RORA: variants seen among roughly 807,000 people sequenced by gnomAD.
RORA encodes the protein nuclear receptor ROR-alpha.
RORA carries 7 observed loss-of-function variants against 69.5 expected under a neutral mutation model. That is an observed-to-expected ratio of 0.10 (90% confidence interval 0.06 to 0.19). The LOEUF is 0.19. Ranked by LOEUF, RORA falls within the 10% of genes least tolerant of loss-of-function variation. RORA has a pLI of 1.00. For synonymous variants in RORA, 261 were observed against 240.8 expected, an observed-to-expected ratio of 1.08 and a Z score of -0.78; for missense variants, 457 against 663.0, an observed-to-expected ratio of 0.69 and a Z score of 3.41.
intron 1 of RORA, among the ~76,000 whole-genome samples, chr15:60,807,104 T>C (rs1401032464): frequency 6.6e-6 from 1 of 152,024 alleles, no homozygotes; most frequent in Non-Finnish European, 1.5e-5. Context: ...TCCAAATCGG[T>C]AAAGAGGAAG....
intron 1 of RORA, among the ~76,000 whole-genome samples, chr15:61,044,614 T>C (rs989846585): frequency 1.3e-5 from 2 of 152,388 alleles, no homozygotes; most frequent in East Asian, 3.9e-4. Context: ...TTCCACCTTT[T>C]TCTTTTCAAT....
rs200699416 is a variant in RORA, at chr15:61,228,643, A to AT, written c.166+409dup. Among the ~76,000 whole-genome samples, 1,305 of 151,212 alleles carry AT rather than the reference A, an allele frequency of 8.6e-3. 17 individuals are homozygous for AT. The highest frequency in any genetic ancestry group is 0.029 in the African/African-American group (1,187 of 41,166). ...GCGGAAGGAGGGTGGCCATAAACAG[A>AT]TTTTTTTGCCCCTTCTTAAAAGGAC... On this transcript the variant is annotated intron_variant, in intron 1 of 10. Coordinates refer to ENST00000335670, the MANE Select transcript of RORA (RefSeq NM_134261.3).
At chr15:60,848,679 G>C (rs553752020) in intron 1 of RORA, 2 of 153,996 alleles carry the variant, frequency 1.3e-5, no homozygotes, top group African/African-American at 4.8e-5. Context: ...GGAAACTTAC[G>C]ATCATGGCAA....
At chr15:60,868,082 A>C (rs2073509968) in intron 1 of RORA, among the ~76,000 whole-genome samples, 2 of 152,216 alleles carry the variant, frequency 1.3e-5, no homozygotes, top group African/African-American at 4.8e-5. Context: ...TAAATATACA[A>C]ATAACACCCA....
chr15:61,077,742 C>A (rs983124388), intron 1 of RORA, among the ~76,000 whole-genome samples: 3 of 152,120 alleles, frequency 2.0e-5, no homozygotes, highest in Non-Finnish European at 4.4e-5. Flanking sequence ...AAAACTAATG[C>A]CCATAATTCT....
intron 2 of RORA, among the ~76,000 whole-genome samples, chr15:60,585,204 C>G (rs923883904): frequency 6.6e-6 from 1 of 152,252 alleles, no homozygotes; most frequent in South Asian, 2.1e-4. Context: ...TCCTCAGATT[C>G]CGACACAGAA....
chr15:60,891,230 G>A (rs1021362230), intron 1 of RORA, among the ~76,000 whole-genome samples: 2 of 152,332 alleles, frequency 1.3e-5, no homozygotes, highest in East Asian at 3.9e-4. Context: ...CTATCATTAT[G>A]TAATATTTCC....
At chr15:60,846,394 G>A (rs188658770) in intron 1 of RORA, among the ~76,000 whole-genome samples, 9 of 152,250 alleles carry the variant, frequency 5.9e-5, no homozygotes, top group Admixed American at 1.3e-4. Flanking sequence ...TTTCTCTATC[G>A]TAACTGCTTC....
At chr15:61,199,260 G>T (rs1387140664) in intron 1 of RORA, among the ~76,000 whole-genome samples, 9 of 148,760 alleles carry the variant, frequency 6.1e-5, no homozygotes, top group Admixed American at 5.9e-4. Context: ...AGGAAAGAAA[G>T]GGAAAAAAAA....
chr15:60,878,161 C>G (rs1420616508), intron 1 of RORA, among the ~76,000 whole-genome samples: 19 of 70,662 alleles, frequency 2.7e-4, no homozygotes, highest in Admixed American at 7.1e-4. Context: ...CCTGCTTCTA[C>G]TAAAAATACA....
At chr15:60,940,845 T>C (rs1892672657) in intron 1 of RORA, among the ~76,000 whole-genome samples, 1 of 152,150 alleles carries the variant, frequency 6.6e-6, no homozygotes, top group Non-Finnish European at 1.5e-5. Context: ...GGGAATTGTT[T>C]GAACTCGGGA....
intron 2 of RORA, among the ~76,000 whole-genome samples, chr15:60,626,494 A>C (rs2069585998): frequency 6.6e-6 from 1 of 152,182 alleles, no homozygotes. Context: ...TTCTCATGGA[A>C]TTTAATAAGA....
At chr15:60,846,898 G>T (rs144793251) in intron 1 of RORA, among the ~76,000 whole-genome samples, 5 of 152,082 alleles carry the variant, frequency 3.3e-5, no homozygotes, top group African/African-American at 1.2e-4. Context: ...GTTTAATTCA[G>T]ATCTTTATTT....
intron 1 of RORA, among the ~76,000 whole-genome samples, chr15:60,703,718 G>T (rs1317829059): frequency 3.9e-5 from 6 of 152,150 alleles, no homozygotes; most frequent in Admixed American, 3.9e-4. Flanking sequence ...CCTTTCTGAT[G>T]ATATGAATGG....
intron 1 of RORA, among the ~76,000 whole-genome samples, chr15:60,696,578 C>T (rs539278380): frequency 5.3e-5 from 8 of 152,258 alleles, no homozygotes; most frequent in South Asian, 4.1e-4. Flanking sequence ...TCACCACATA[C>T]GCCTTTGACA....
At chr15:60,730,304 T>C (rs1440566179) in intron 1 of RORA, among the ~76,000 whole-genome samples, 1 of 152,174 alleles carries the variant, frequency 6.6e-6, no homozygotes, top group African/African-American at 2.4e-5. Context: ...AACTTTGAGG[T>C]TACCAAGGAC....
chr15:61,134,066 A>G (rs1596016512), intron 1 of RORA, among the ~76,000 whole-genome samples: 1 of 152,144 alleles, frequency 6.6e-6, no homozygotes, highest in Non-Finnish European at 1.5e-5. Flanking sequence ...ACAATTTACT[A>G]TGTGAACAGC....
At chr15:60,965,011 T>G (rs980901244) in intron 1 of RORA, among the ~76,000 whole-genome samples, 2 of 152,178 alleles carry the variant, frequency 1.3e-5, no homozygotes, top group African/African-American at 4.8e-5. Context: ...GAGAAGCTTC[T>G]CTTGCTCTCT....
intron 1 of RORA, among the ~76,000 whole-genome samples, chr15:60,895,086 TG>T (rs1476460014): frequency 2.0e-5 from 3 of 152,174 alleles, no homozygotes; most frequent in Non-Finnish European, 4.4e-5. Flanking sequence ...AATGTCTTTA[TG>T]TAGAGAAAGT....
Sources: gnomAD v4.1 joint callset for allele counts (sites outside exome capture counted in the v4.1 genomes callset) on GRCh38, gnomAD v4.1.1 for gene constraint, MANE v1.5 for transcripts, NCBI Gene and HGNC (gene_info 2026-07-23, HGNC 2026-07-21) for gene names.